ST3GAL3: variants seen among roughly 807,000 people sequenced by gnomAD.
ST3GAL3 encodes the protein ST3 beta-galactoside alpha-2,3-sialyltransferase 3, also known as CMP-N-acetylneuraminate-beta-1,4-galactoside alpha-2,3-sialyltransferase.
ST3GAL3 carries 21 observed loss-of-function variants against 50.1 expected under a neutral mutation model. That is an observed-to-expected ratio of 0.42 (90% CI 0.30 to 0.60). The LOEUF is 0.60. Ranked by LOEUF, ST3GAL3 falls within the 20% of genes least tolerant of loss-of-function variation. ST3GAL3 has a pLI of 0.19. For missense variants in ST3GAL3, 353 were observed against 489.4 expected (o/e 0.72, Z 2.63); for synonymous variants, 183 against 190.0 (o/e 0.96, Z 0.30).
intron 7 of ST3GAL3, chr1:43,898,926 C>T: frequency 3.5e-6 from 2 of 578,510 alleles, no homozygotes; most frequent in Non-Finnish European, 6.1e-6. Context: ...CAAGCCTTTC[C>T]ATGGCCCTGT....
intron 3 of ST3GAL3, among the ~76,000 whole-genome samples, chr1:43,813,132 C>T (rs2060764711): frequency 6.6e-6 from 1 of 152,148 alleles, no homozygotes. Flanking sequence ...TTTGAGTTTG[C>T]AACCATGAGG....
intron 2 of ST3GAL3, among the ~76,000 whole-genome samples, chr1:43,791,544 A>G (rs1367341704): frequency 6.6e-6 from 1 of 152,180 alleles, no homozygotes; most frequent in Non-Finnish European, 1.5e-5. Flanking sequence ...GTGTTTGCGT[A>G]GGTACTCATG....
intron 2 of ST3GAL3, among the ~76,000 whole-genome samples, chr1:43,766,145 A>G (rs532181309): frequency 3.3e-5 from 5 of 152,336 alleles, no homozygotes; most frequent in African/African-American, 9.6e-5. Flanking sequence ...CCGGATTCAC[A>G]TGAATACCAC....
At chr1:43,922,036 C>G (rs1204642595) in intron 11 of ST3GAL3, 3 of 303,330 alleles carry the variant, frequency 9.9e-6, no homozygotes, top group African/African-American at 6.5e-5. Flanking sequence ...CTCTCACATT[C>G]TCTTTCTCAG....
chr1:43,928,666 T>G (rs990030061), intron 11 of ST3GAL3, among the ~76,000 whole-genome samples: 1 of 151,114 alleles, frequency 6.6e-6, no homozygotes, highest in Non-Finnish European at 1.5e-5. Context: ...CCCAGCACTT[T>G]GGGAGGCTGA....
intron 2 of ST3GAL3, among the ~76,000 whole-genome samples, chr1:43,750,188 A>G (rs12062824): frequency 0.36 from 55,218 of 152,008 alleles, 11,148 homozygotes; most frequent in African/African-American, 0.55. Flanking sequence ...TTTAAAGATT[A>G]GCATGCTTCA....
At chr1:43,897,069 A>G (rs760502196) in intron 6 of ST3GAL3, among the ~76,000 whole-genome samples, 53 of 145,838 alleles carry the variant, frequency 3.6e-4, no homozygotes, top group Non-Finnish European at 6.0e-4. Context: ...ATAGGATTTC[A>G]TACACCACAT....
intron 2 of ST3GAL3, among the ~76,000 whole-genome samples, chr1:43,791,425 A>T (rs554897200): frequency 0.021 from 3,135 of 151,532 alleles, 108 homozygotes; most frequent in African/African-American, 0.073. Flanking sequence ...ATTTGATTGA[A>T]TGAATGAATG....
chr1:43,840,030 CTT>C (rs529923605), intron 5 of ST3GAL3: 83 of 141,182 alleles, frequency 5.9e-4, no homozygotes, highest in Middle Eastern at 3.7e-3. Context: ...TTTTCCCTTC[CTT>C]TTTTTTTTTT....
At chr1:43,791,285 T>A (rs1384836878) in intron 2 of ST3GAL3, among the ~76,000 whole-genome samples, 2 of 152,208 alleles carry the variant, frequency 1.3e-5, no homozygotes, top group Non-Finnish European at 2.9e-5. Context: ...TTTGGTAACA[T>A]TTTTTTCTCC....
At chr1:43,850,396 T>C in intron 5 of ST3GAL3, 1 of 568,746 alleles carries the variant, frequency 1.8e-6, no homozygotes, top group Non-Finnish European at 3.4e-6. Context: ...CCTGCTAGTC[T>C]CTCCTTGAAC....
At chr1:43,907,358 G>T (rs1316440570) in intron 9 of ST3GAL3, among the ~76,000 whole-genome samples, 2 of 152,102 alleles carry the variant, frequency 1.3e-5, no homozygotes, top group East Asian at 3.8e-4. Context: ...CCAGTACCAG[G>T]GACTGAATGT....
intron 4 of ST3GAL3, among the ~76,000 whole-genome samples, chr1:43,815,334 C>A (rs1033845657): frequency 1.2e-4 from 19 of 152,150 alleles, no homozygotes; most frequent in African/African-American, 4.6e-4. Context: ...GTCTTACTCT[C>A]CAGTTTCAAC....
chr1:43,749,134 A>G (rs531296736), intron 2 of ST3GAL3, among the ~76,000 whole-genome samples: 28 of 152,312 alleles, frequency 1.8e-4, no homozygotes, highest in Admixed American at 1.6e-3. Context: ...CTCTGGTGCA[A>G]TAACTAGATA....
chr1:43,897,078 A>C (rs1259862123), intron 6 of ST3GAL3, among the ~76,000 whole-genome samples: 1 of 141,772 alleles, frequency 7.1e-6, no homozygotes, highest in African/African-American at 2.6e-5. Context: ...CATACACCAC[A>C]TTTAATCTGG....
chr1:43,927,150 C>T (rs964410275), intron 11 of ST3GAL3, among the ~76,000 whole-genome samples: 1 of 152,088 alleles, frequency 6.6e-6, no homozygotes, highest in Non-Finnish European at 1.5e-5. Flanking sequence ...CCCAACATGG[C>T]GAAATCCTGT....
intron 5 of ST3GAL3, among the ~76,000 whole-genome samples, chr1:43,866,604 A>G (rs1248288438): frequency 2.0e-5 from 3 of 151,616 alleles, no homozygotes; most frequent in African/African-American, 7.3e-5. Flanking sequence ...AAAAAAAAAG[A>G]TTAAGGAATT....
rs113515075 is a variant in ST3GAL3 at position 43,728,684 on chromosome 1, G to A, written c.-30-7549G>A. On this transcript the variant is annotated intron_variant, in intron 1 of 11. Coordinates refer to ENST00000347631, the MANE Select transcript of ST3GAL3 (RefSeq NM_006279.5). ...GAGGATCACTTGAGCCCAGGAGGTC[G>A]AGGTTGCAGTGAGGTATGATCACGC... is the stretch of plus-strand genomic sequence containing the variant. 1.1e-3 allele frequency among the ~76,000 whole-genome samples: 167 copies of A among 152,290 alleles called. 4 individuals carry two copies. In the Middle Eastern group the frequency reaches 0.014, roughly 12 times the overall value.
chr1:43,871,592 GGAT>G (rs1439212083), intron 5 of ST3GAL3, among the ~76,000 whole-genome samples: 1 of 120,996 alleles, frequency 8.3e-6, no homozygotes, highest in African/African-American at 3.2e-5. Context: ...GTGAGGGAGA[GGAT>G]GGGGTGTGAG....
Sources: allele counts gnomAD v4.1 joint callset (sites outside exome capture counted in the v4.1 genomes callset), GRCh38; gene constraint gnomAD v4.1.1; transcripts MANE v1.5; gene names NCBI Gene and HGNC (gene_info 2026-07-23, HGNC 2026-07-21).